TCF12: variants seen among roughly 807,000 people sequenced by gnomAD.
The protein encoded by TCF12 is DNA-binding protein HTF4.
A neutral mutation model predicts 86.0 loss-of-function variants in TCF12; 45 were observed. The ratio of observed to expected loss-of-function variants is 0.52; its 90% confidence interval spans 0.41 to 0.67. The LOEUF is 0.67. Ranked by LOEUF, TCF12 falls within the 30% of genes least tolerant of loss-of-function variation. The pLI is 0.00. For synonymous variants in TCF12, 330 were observed against 299.6 expected (o/e 1.10, Z -1.05); for missense variants, 881 against 859.9 (o/e 1.02, Z -0.31).
chr15:57,104,861 G>GTTTTTTTTTTTTTTTTT (rs11336613), intron 5 of TCF12, among the ~76,000 whole-genome samples: 3 of 71,448 alleles, frequency 4.2e-5, no homozygotes, highest in African/African-American at 5.5e-5. Flanking sequence ...CTTTGGTGGT[G>GTTTTTTTTTTTTTTTTT]TTTTTTTTTT....
intron 18 of TCF12, among the ~76,000 whole-genome samples, chr15:57,267,404 C>T (rs374566890): frequency 6.6e-6 from 1 of 152,198 alleles, no homozygotes; most frequent in East Asian, 1.9e-4. Flanking sequence ...TCAAGGAATT[C>T]AGAGACCACT....
intron 3 of TCF12, among the ~76,000 whole-genome samples, chr15:56,929,922 T>C (rs2060172372): frequency 6.6e-6 from 1 of 152,218 alleles, no homozygotes; most frequent in Non-Finnish European, 1.5e-5. Context: ...ATCATTCTAG[T>C]TGCCAAATGG....
chr15:56,988,191 C>A (rs2063284647), intron 3 of TCF12, among the ~76,000 whole-genome samples: 1 of 152,108 alleles, frequency 6.6e-6, no homozygotes, highest in Non-Finnish European at 1.5e-5. Context: ...AGTCATGTGT[C>A]ACTTGACAGG....
chr15:57,078,685 T>C (rs2070357453), intron 4 of TCF12, among the ~76,000 whole-genome samples: 1 of 152,138 alleles, frequency 6.6e-6, no homozygotes, highest in Admixed American at 6.5e-5. Flanking sequence ...AAAAATAAGA[T>C]GAGTGTTGAA....
rs537746770 is a variant in TCF12, at chr15:57,184,547, G to A, written c.391-7611G>A. Among the ~76,000 whole-genome samples the A allele has an allele frequency of 9.7e-4, 148 of 152,188 alleles. 1 individual carries two copies. Among genetic ancestry groups the A allele is most frequent in the African/African-American group, 3.3e-3 (137 of 41,524 alleles). ...GCAGATGAAGTAATAAATGCAGCAG[G>A]TACCTCAAAACATATCAATGAAAGT... On this transcript the variant is annotated intron_variant, in intron 6 of 20. Transcript: ENST00000333725.
intron 2 of TCF12, among the ~76,000 whole-genome samples, chr15:56,920,506 G>GTGTGTGTGTA (rs770350482): frequency 6.6e-6 from 1 of 150,936 alleles, no homozygotes; most frequent in African/African-American, 2.4e-5. Flanking sequence ...GTGTGTGTGT[G>GTGTGTGTGTA]TGTATTATGT....
At chr15:56,982,271 T>G (rs1299384146) in intron 3 of TCF12, among the ~76,000 whole-genome samples, 1 of 152,188 alleles carries the variant, frequency 6.6e-6, no homozygotes, top group Admixed American at 6.5e-5. Flanking sequence ...ACTCTAAAGT[T>G]TCTTTAGTTG....
At chr15:57,153,529 T>G (rs2053908641) in intron 5 of TCF12, among the ~76,000 whole-genome samples, 1 of 152,214 alleles carries the variant, frequency 6.6e-6, no homozygotes, top group African/African-American at 2.4e-5. Flanking sequence ...CCTTTTAAAT[T>G]ACACTGTGAA....
rs75890360 is a variant in TCF12 at position 57,064,054 on chromosome 15, C to T, written c.222+231C>T. On this transcript the variant is annotated intron_variant, in intron 4 of 20. Transcript: ENST00000333725. ...GGTGTTACTTGTACACATGAACTGC[C>T]TACAGTACTCTACTAAAGAGCTTAG... 0.029 allele frequency among the ~76,000 whole-genome samples: 4,461 copies of T among 152,260 alleles called. 187 individuals are homozygous for T. Among genetic ancestry groups the T allele is most frequent in the African/African-American group, 0.089 (3,716 of 41,526 alleles).
intron 3 of TCF12, among the ~76,000 whole-genome samples, chr15:57,043,056 C>G (rs1489622887): frequency 6.6e-6 from 1 of 152,152 alleles, no homozygotes; most frequent in African/African-American, 2.4e-5. Flanking sequence ...CAGGTTCATT[C>G]ATGTTATCAC....
At chr15:57,162,272 A>C (rs777839073) in intron 5 of TCF12, among the ~76,000 whole-genome samples, 2 of 152,122 alleles carry the variant, frequency 1.3e-5, no homozygotes, top group Non-Finnish European at 2.9e-5. Flanking sequence ...CCCTTAATAC[A>C]GTAGCCAGAG....
At chr15:57,151,559 G>A (rs1208002776) in intron 5 of TCF12, among the ~76,000 whole-genome samples, 1 of 152,056 alleles carries the variant, frequency 6.6e-6, no homozygotes, top group Admixed American at 6.6e-5. Flanking sequence ...GAGATCAAGA[G>A]ATCGAGACCA....
At chr15:56,930,170 C>T (rs1417452411) in intron 3 of TCF12, among the ~76,000 whole-genome samples, 1 of 152,124 alleles carries the variant, frequency 6.6e-6, no homozygotes, top group Non-Finnish European at 1.5e-5. Context: ...GTTGGTTGGG[C>T]ATGGAAGGTA....
At chr15:56,923,159 C>T (rs1402849212) in intron 3 of TCF12, among the ~76,000 whole-genome samples, 2 of 152,006 alleles carry the variant, frequency 1.3e-5, no homozygotes, top group Non-Finnish European at 2.9e-5. Flanking sequence ...AGTTTATAGT[C>T]AGGTATTGTA....
At chr15:57,121,480 A>C (rs1720492243) in intron 5 of TCF12, among the ~76,000 whole-genome samples, 1 of 152,210 alleles carries the variant, frequency 6.6e-6, no homozygotes, top group African/African-American at 2.4e-5. Flanking sequence ...ATTATGACAG[A>C]GCTTCACTAT....
At chr15:57,113,534 T>G (rs567004842) in intron 5 of TCF12, among the ~76,000 whole-genome samples, 1 of 152,176 alleles carries the variant, frequency 6.6e-6, no homozygotes, top group Non-Finnish European at 1.5e-5. Flanking sequence ...TTTCTTTTGC[T>G]TCTTTTTTTT....
chr15:57,276,577 C>T (rs1241634548), intron 19 of TCF12, among the ~76,000 whole-genome samples: 3 of 151,870 alleles, frequency 2.0e-5, no homozygotes, highest in African/African-American at 7.3e-5. Context: ...TCTTAAATGC[C>T]CCGAAGTTAA....
intron 3 of TCF12, among the ~76,000 whole-genome samples, chr15:57,003,992 T>G (rs985818014): frequency 2.0e-5 from 3 of 152,210 alleles, no homozygotes; most frequent in African/African-American, 7.2e-5. Flanking sequence ...TCAGTCTGCC[T>G]TCATTTTGAG....
At chr15:57,041,509 T>A (rs2066894561) in intron 3 of TCF12, among the ~76,000 whole-genome samples, 1 of 152,202 alleles carries the variant, frequency 6.6e-6, no homozygotes, top group Non-Finnish European at 1.5e-5. Context: ...CATGCTAATT[T>A]TATAATGTGT....
Sources: allele counts gnomAD v4.1 joint callset (sites outside exome capture counted in the v4.1 genomes callset), GRCh38; gene constraint gnomAD v4.1.1; transcripts MANE v1.5; gene names NCBI Gene and HGNC (gene_info 2026-07-23, HGNC 2026-07-21).